SLC3A2: variants seen among roughly 807,000 people sequenced by gnomAD.
SLC3A2 encodes the protein solute carrier family 3 member 2.
A neutral mutation model predicts 48.5 loss-of-function variants in SLC3A2; 32 were observed. The ratio of observed to expected loss-of-function variants is 0.66; its 90% CI spans 0.50 to 0.89. The LOEUF (loss-of-function observed/expected upper bound fraction) is 0.89, where lower values mean the gene tolerates loss of function less well. SLC3A2 is among the 40% of genes least tolerant of loss of function. The probability of loss-of-function intolerance (pLI) is 0.00; values close to 1 mark genes in which losing one functional copy is unlikely to be tolerated. For synonymous variants in SLC3A2, 277 were observed against 288.8 expected, an observed-to-expected ratio of 0.96 and a Z score of 0.41; for missense variants, 587 against 680.7, an observed-to-expected ratio of 0.86 and a Z score of 1.53.
At chr11:62,888,052 C>A in intron 7 of SLC3A2, 83 bp from the exon 8 acceptor site, 2 of 1,279,108 alleles carry the variant, frequency 1.6e-6, no homozygotes, top group Non-Finnish European at 2.3e-6. Context: ...TGGCCTTGAC[C>A]TCCCAGACTG....
At position 62,882,056 on chromosome 11, in the gene SLC3A2, TAAAAAAAAGAG is replaced by T. The variant is rs770255364; in HGVS notation, c.589_598+1del. 1 of 1,613,070 alleles carries T rather than the reference TAAAAAAAAGAG, an allele frequency of 6.2e-7. No individual in the cohort carries two copies. Among genetic ancestry groups the T allele is most frequent in the Non-Finnish European group, 8.5e-7 (1 of 1,179,608 alleles). On this transcript the variant is annotated splice_donor_variant and coding_sequence_variant, in exon 2 of 9. Coordinates refer to ENST00000338663, the MANE Select transcript of SLC3A2 (RefSeq NM_001013251.3). LOFTEE classifies it high-confidence loss of function. ...ATTTTGACAGTCTCTTGCAATCGGC[TAAAAAAAAGAG>T]TGGGTATCCTGGGGTTCCCAAGGAA...
chr11:62,868,332 A>G (rs2085474686), intron 1 of SLC3A2, among the ~76,000 whole-genome samples: 1 of 150,610 alleles, frequency 6.6e-6, no homozygotes, highest in East Asian at 1.9e-4. Context: ...GAATCTAGCT[A>G]GGACTGTTGG....
chr11:62,864,050 T>G (rs2085427464), intron 1 of SLC3A2, among the ~76,000 whole-genome samples: 1 of 152,188 alleles, frequency 6.6e-6, no homozygotes, highest in African/African-American at 2.4e-5. Flanking sequence ...TTAGCCGGTA[T>G]GTGGGCTGGA....
chr11:62,881,652 C>T lies in SLC3A2; in HGVS notation c.424+205C>T, dbSNP rs574307727. The T allele has an allele frequency of 1.4e-5, 13 of 909,958 alleles. No homozygotes were observed. In the South Asian group the frequency reaches 2.1e-4, roughly 15 times the overall value. 56.4% of individuals were successfully genotyped at this position (909,958 alleles called of 1,614,324 possible). On this transcript the variant is annotated intron_variant, in intron 1 of 8. Transcript: ENST00000338663. The surrounding 1 kb of genome is among the most constrained non-coding windows in gnomAD (Gnocchi z 4.0). Reference sequence around the variant, plus strand: ...AGCCGACCCGCCCCTCACTCCGTCACGAGGGTGGGTGACTCAGCGTCCTCC... The same window carrying T: ...AGCCGACCCGCCCCTCACTCCGTCATGAGGGTGGGTGACTCAGCGTCCTCC...
At chr11:62,868,354 G>T (rs1182277068) in intron 1 of SLC3A2, among the ~76,000 whole-genome samples, 3 of 150,100 alleles carry the variant, frequency 2.0e-5, no homozygotes, top group African/African-American at 4.9e-5. Context: ...GGGTAAAAGG[G>T]TATTTTCATT....
chr11:62,867,198 G>A (rs1313257133), intron 1 of SLC3A2, among the ~76,000 whole-genome samples: 1 of 151,706 alleles, frequency 6.6e-6, no homozygotes, highest in Non-Finnish European at 1.5e-5. Context: ...CTCCATGTTG[G>A]TCAGGCTGAT....
intron 1 of SLC3A2, among the ~76,000 whole-genome samples, chr11:62,875,523 G>A (rs566861465): frequency 6.6e-6 from 1 of 152,182 alleles, no homozygotes; most frequent in East Asian, 1.9e-4. Flanking sequence ...GCGACAGAGC[G>A]AGACTTCATC....
intron 1 of SLC3A2, among the ~76,000 whole-genome samples, chr11:62,870,340 C>T (rs2085498086): frequency 6.6e-6 from 1 of 151,824 alleles, no homozygotes; most frequent in Non-Finnish European, 1.5e-5. Flanking sequence ...CGTCACCACG[C>T]CCAGCTAATT....
At chr11:62,882,667 T>C (rs915174206) in intron 2 of SLC3A2, 8 of 453,286 alleles carry the variant, frequency 1.8e-5, no homozygotes, top group African/African-American at 1.6e-4. Context: ...TTATTTTTAG[T>C]AGAGACAATT....
In SLC3A2 at chr11:62,883,078, C is replaced by T. The variant is rs1433565147; in HGVS notation, c.690+79C>T. 3.0e-6 allele frequency: 4 copies of T among 1,317,540 alleles called. No homozygotes were observed. In the African/African-American group the frequency reaches 5.8e-5, roughly 19 times the overall value. The allele number at this position is 1,317,540 out of a possible 1,614,324, so 81.6% of individuals were successfully genotyped here. On this transcript the variant is annotated intron_variant, in intron 3 of 8. Transcript: ENST00000338663. ...CCTTTCACAGCAAGCCCTGTAGACC[C>T]AGCCTGACTCCAGCTGAGGGTCCCT...
Position 62,881,955 on chromosome 11 carries a change from A to G in SLC3A2, c.487A>G (p.Ile163Val), listed in dbSNP as rs78298849. The change falls in exon 2 of 9, where the codon ATT (isoleucine) becomes GTT (valine). Residue 163 changes from isoleucine to valine, a missense_variant. By Grantham distance (29) the Ile-to-Val change is conservative. This residue lies in a region of SLC3A2 where 409 missense variants were observed against 446.7 expected (regional missense o/e 0.92). Transcript: ENST00000338663. The surrounding 1 kb of genome is among the most constrained non-coding windows in gnomAD (Gnocchi z 4.0). ...LKVKGLVLGP[I>V]HKNQKDDVAQ... is the part of the protein sequence containing the mutation. ...GGTGAAGGGCCTTGTGCTGGGTCCA[A>G]TTCACAAGAACCAGAAGGATGATGT... The G allele has an allele frequency of 5.8e-4, 929 of 1,614,154 alleles. No homozygotes were observed. Among genetic ancestry groups the G allele is most frequent in the Non-Finnish European group, 7.5e-4 (884 of 1,180,016 alleles).
chr11:62,880,006 A>G (rs764113121), upstream of SLC3A2, among the ~76,000 whole-genome samples: 7 of 152,156 alleles, frequency 4.6e-5, no homozygotes, highest in Non-Finnish European at 8.8e-5. Flanking sequence ...AAGGTGGGTA[A>G]GAGTCTGGCC....
At position 62,881,855 on chromosome 11, in the gene SLC3A2, CAG is replaced by C; in HGVS notation, c.425-35_425-34del. 1.2e-6 allele frequency: 2 copies of C among 1,604,046 alleles called. No homozygotes were observed. The highest frequency in any genetic ancestry group is 2.2e-5 in the South Asian group (2 of 90,764). On this transcript the variant is annotated intron_variant, in intron 1 of 8. Transcript: ENST00000338663. The surrounding 1 kb of genome is among the most constrained non-coding windows in gnomAD (Gnocchi z 4.0). ...GAGGGTGGGGAGGTCAGGGGCCTCTCAGAGGGGCCTCACTTGTTAACCCAGCC... is the reference window on the plus strand; with the variant it reads ...GAGGGTGGGGAGGTCAGGGGCCTCTCAGGGGCCTCACTTGTTAACCCAGCC...
At chr11:62,863,484 T>G (rs915583753) in intron 1 of SLC3A2, among the ~76,000 whole-genome samples, 5 of 152,202 alleles carry the variant, frequency 3.3e-5, no homozygotes, top group African/African-American at 1.2e-4. Flanking sequence ...GAAACAGGCA[T>G]GAGCCACTAT....
chr11:62,879,522 A>ACTTG (rs2085606738), upstream of SLC3A2, among the ~76,000 whole-genome samples: 1 of 152,178 alleles, frequency 6.6e-6, no homozygotes, highest in African/African-American at 2.4e-5. Flanking sequence ...GTCTGAACCC[A>ACTTG]CTTGCTTGCC....
intron 1 of SLC3A2, chr11:62,871,652 A>G: frequency 1.5e-6 from 1 of 665,384 alleles, no homozygotes; most frequent in Non-Finnish European, 2.8e-6. Context: ...TTAGCTTCCA[A>G]GAATGCTGAG....
At chr11:62,867,322 C>CTTTTTTTTTTTTTTTTTTTTTTTT (rs56758000) in intron 1 of SLC3A2, among the ~76,000 whole-genome samples, 11 of 67,638 alleles carry the variant, frequency 1.6e-4, no homozygotes, top group Non-Finnish European at 2.1e-4. Flanking sequence ...CTTTTCTTTT[C>CTTTTTTTTTTTTTTTTTTTTTTTT]TTTTTTTTTT....
Position 62,885,545 on chromosome 11 carries a change from AG to A in SLC3A2, c.1083del (p.Thr362ProfsTer41), listed in dbSNP as rs778766189. On this transcript the variant is annotated frameshift_variant, in exon 7 of 9. Transcript: ENST00000338663. LOFTEE classifies it high-confidence loss of function. ...LYQLMLFTLP[G>X]TPVFSYGDEI... The stretch of plus-strand genomic sequence containing the variant: ...ACCAGCTGATGCTCTTCACCCTGCC[AG>A]GGACCCCTGTTTTCAGCTACGGGGA... 6.2e-7 allele frequency: 1 copy of A among 1,614,166 alleles called. No homozygotes were observed. The highest frequency in any genetic ancestry group is 2.2e-5 in the East Asian group (1 of 44,880).
At position 62,881,546 on chromosome 11, in the gene SLC3A2, C is replaced by T. The variant is rs1354808516; in HGVS notation, c.424+99C>T. ...CCCAGACGGATCTAGATGGTTCTTC[C>T]CTCCATCCCGTACCGACGACTGTTC... On this transcript the variant is annotated intron_variant, in intron 1 of 8. Coordinates refer to ENST00000338663, the MANE Select transcript of SLC3A2 (RefSeq NM_001013251.3). The surrounding 1 kb of genome is among the most constrained non-coding windows in gnomAD (Gnocchi z 4.0). The T allele has an allele frequency of 3.5e-6, 5 of 1,445,022 alleles. No homozygotes were observed. Among genetic ancestry groups the T allele is most frequent in the African/African-American group, 1.4e-5 (1 of 70,836 alleles). The allele number at this position is 1,445,022 out of a possible 1,614,324, so 89.5% of individuals were successfully genotyped here. A position where few individuals can be genotyped will look rare whatever the true frequency, so the allele number is the denominator to read the frequency against.
Sources: gnomAD v4.1 joint callset for allele counts (sites outside exome capture counted in the v4.1 genomes callset) on GRCh38, gnomAD v4.1.1 for gene constraint, gnomAD v4.1.1 regional missense constraint, Gnocchi (gnomAD v3.1) non-coding constraint, MANE v1.5 for transcripts, NCBI Gene and HGNC (gene_info 2026-07-23, HGNC 2026-07-21) for gene names.